Variants in WWOX observed in about 807,000 individuals in gnomAD.
The protein encoded by WWOX is WW domain-containing oxidoreductase.
In WWOX, 69 loss-of-function variants were observed where a neutral mutation model predicts 46.2. That is an observed-to-expected ratio of 1.49 (90% CI 1.23 to 1.82). The LOEUF (loss-of-function observed/expected upper bound fraction) is 1.82, where lower values mean the gene tolerates loss of function less well. Among genes scored for constraint, WWOX ranks in the 40% most tolerant of loss-of-function variants. The pLI is 0.00. For synonymous variants in WWOX, 359 were observed against 202.6 expected, an observed-to-expected ratio of 1.77 and a Z score of -6.56; for missense variants, 919 against 542.6, an observed-to-expected ratio of 1.69 and a Z score of -6.89.
intron 5 of WWOX, among the ~76,000 whole-genome samples, chr16:78,265,283 C>T (rs1482825481): frequency 6.6e-6 from 1 of 152,106 alleles, no homozygotes; most frequent in Non-Finnish European, 1.5e-5. Context: ...GCATAAGCCA[C>T]CTCACCCAGC....
chr16:79,048,845 C>T (rs1443739240), intron 8 of WWOX, among the ~76,000 whole-genome samples: 1 of 152,114 alleles, frequency 6.6e-6, no homozygotes, highest in Admixed American at 6.6e-5. Flanking sequence ...CCCTGATGTT[C>T]CGGGCTCAGC....
At chr16:79,161,461 A>G (rs12932596) in intron 8 of WWOX, among the ~76,000 whole-genome samples, 1,683 of 152,250 alleles carry the variant, frequency 0.011, 17 homozygotes, top group South Asian at 0.028. Context: ...TAGGGGAGAG[A>G]AGGAGAGAAG....
In WWOX at chr16:79,196,766, T is replaced by G. The variant is rs74038817; in HGVS notation, c.1057-14842T>G. 8.5e-3 allele frequency among the ~76,000 whole-genome samples: 1,290 copies of G among 152,232 alleles called. 11 individuals are homozygous for G. The highest frequency in any genetic ancestry group is 0.03 in the African/African-American group (1,247 of 41,514). ...AATTATTTGTTACAACATGTAGATTTCACTTGTTGTAGAGATGTTCTATTT... is the reference window on the plus strand; with the variant it reads ...AATTATTTGTTACAACATGTAGATTGCACTTGTTGTAGAGATGTTCTATTT... On this transcript the variant is annotated intron_variant, in intron 8 of 8. Coordinates refer to ENST00000566780, the MANE Select transcript of WWOX (RefSeq NM_016373.4).
At chr16:79,163,054 A>G (rs977488199) in intron 8 of WWOX, among the ~76,000 whole-genome samples, 1 of 152,198 alleles carries the variant, frequency 6.6e-6, no homozygotes. Flanking sequence ...CATTTATCCA[A>G]ACACACAGGA....
intron 8 of WWOX, among the ~76,000 whole-genome samples, chr16:78,582,548 T>G (rs955784327): frequency 6.6e-6 from 1 of 152,230 alleles, no homozygotes; most frequent in Admixed American, 6.5e-5. Context: ...TAAGACGTTA[T>G]GTGCAATCCT....
At chr16:78,713,570 TG>T (rs1321237473) in intron 8 of WWOX, among the ~76,000 whole-genome samples, 2 of 152,136 alleles carry the variant, frequency 1.3e-5, no homozygotes. Context: ...CAGTTTAATT[TG>T]GGTCCTTATA....
At chr16:78,949,279 C>T (rs1030019678) in intron 8 of WWOX, among the ~76,000 whole-genome samples, 5 of 152,152 alleles carry the variant, frequency 3.3e-5, no homozygotes, top group Admixed American at 3.3e-4. Context: ...GACTTCCAAC[C>T]CACAGCAACT....
At chr16:79,173,525 C>A (rs1421852925) in intron 8 of WWOX, among the ~76,000 whole-genome samples, 14 of 152,068 alleles carry the variant, frequency 9.2e-5, no homozygotes, top group Admixed American at 8.5e-4. Context: ...AAGCAGTTTC[C>A]CTTGATAAGT....
intron 8 of WWOX, among the ~76,000 whole-genome samples, chr16:78,492,882 G>T (rs1008403586): frequency 6.6e-6 from 1 of 152,182 alleles, no homozygotes; most frequent in African/African-American, 2.4e-5. Context: ...AGTACCCAGT[G>T]TGCATGCATG....
intron 8 of WWOX, among the ~76,000 whole-genome samples, chr16:78,964,075 C>T (rs550054287): frequency 3.3e-5 from 5 of 152,140 alleles, no homozygotes; most frequent in East Asian, 1.9e-4. Context: ...TTTTTCTTCC[C>T]GGTCTCAGGT....
At position 79,108,909 on chromosome 16, in the gene WWOX, T is replaced by TA. The variant is rs989072501; in HGVS notation, c.1057-102689dup. On this transcript the variant is annotated intron_variant, in intron 8 of 8. Coordinates refer to ENST00000566780, the MANE Select transcript of WWOX (RefSeq NM_016373.4). Reference sequence around the variant, plus strand: ...GAGCAAGACCTTGTCTCAAAAAATTTAAAAAAAAAAGTTTTTTTTTTTTAA... The same window carrying TA: ...GAGCAAGACCTTGTCTCAAAAAATTTAAAAAAAAAAAGTTTTTTTTTTTTAA... Among the ~76,000 whole-genome samples, 21 of 148,344 alleles carry TA rather than the reference T, an allele frequency of 1.4e-4. No individual in the cohort carries two copies. In the East Asian group the frequency reaches 1.6e-3, roughly 11 times the overall value.
chr16:79,112,268 A>T (rs76625730), intron 8 of WWOX, among the ~76,000 whole-genome samples: 2,516 of 152,306 alleles, frequency 0.017, 71 homozygotes, highest in African/African-American at 0.058. Context: ...CTTGACGGAC[A>T]GGCAACAGAT....
At chr16:78,720,206 A>G (rs1406682642) in intron 8 of WWOX, among the ~76,000 whole-genome samples, 1 of 152,176 alleles carries the variant, frequency 6.6e-6, no homozygotes, top group Non-Finnish European at 1.5e-5. Context: ...CCCTACCAGT[A>G]AGACTTAAGG....
intron 8 of WWOX, among the ~76,000 whole-genome samples, chr16:78,443,135 CAAAAAAAAAAAAA>C (rs759618827): frequency 2.5e-5 from 1 of 40,294 alleles, no homozygotes; most frequent in Non-Finnish European, 5.0e-5. Flanking sequence ...GACTCCATCT[CAAAAAAAAAAAAA>C]AAAAAAAAAG....
At chr16:78,379,250 A>G (rs1330379738) in intron 5 of WWOX, among the ~76,000 whole-genome samples, 2 of 152,216 alleles carry the variant, frequency 1.3e-5, no homozygotes, top group Admixed American at 6.5e-5. Flanking sequence ...CCGTATGTGT[A>G]AGGGAGGGGT....
At chr16:78,273,580 G>C (rs1304779597) in intron 5 of WWOX, among the ~76,000 whole-genome samples, 2 of 152,188 alleles carry the variant, frequency 1.3e-5, no homozygotes, top group African/African-American at 2.4e-5. Flanking sequence ...AGCCATGTGA[G>C]AAAGGAGGGT....
chr16:79,058,202 C>G (rs1365971677), intron 8 of WWOX, among the ~76,000 whole-genome samples: 1 of 151,594 alleles, frequency 6.6e-6, no homozygotes. Context: ...GAGAGTCAGG[C>G]AGATACAGGT....
intron 8 of WWOX, among the ~76,000 whole-genome samples, chr16:78,676,474 A>C (rs2047603148): frequency 6.8e-6 from 1 of 147,834 alleles, no homozygotes; most frequent in African/African-American, 2.5e-5. Context: ...AAAGCTCCCC[A>C]CCCCCACCTT....
At chr16:78,566,378 G>T (rs369424000) in intron 8 of WWOX, among the ~76,000 whole-genome samples, 2 of 152,186 alleles carry the variant, frequency 1.3e-5, no homozygotes, top group African/African-American at 2.4e-5. Flanking sequence ...AAGTATAGTA[G>T]TGGGAGAACA....
Sources: gnomAD v4.1 joint callset for allele counts (sites outside exome capture counted in the v4.1 genomes callset) on GRCh38, gnomAD v4.1.1 for gene constraint, MANE v1.5 for transcripts, NCBI Gene and HGNC (gene_info 2026-07-23, HGNC 2026-07-21) for gene names.